ITGAM: variants seen among roughly 807,000 people sequenced by gnomAD.
The protein encoded by ITGAM is integrin alpha-M.
A neutral mutation model predicts 137.5 loss-of-function variants in ITGAM; 79 were observed. The observed-to-expected ratio is 0.57, with a 90% CI of 0.48 to 0.69. ITGAM has a LOEUF of 0.69. Ranked by LOEUF, ITGAM falls within the 30% of genes least tolerant of loss-of-function variation. ITGAM has a pLI of 0.00. For synonymous variants in ITGAM, 583 were observed against 592.3 expected, an observed-to-expected ratio of 0.98 and a Z score of 0.23; for missense variants, 1,343 against 1,483.5, an observed-to-expected ratio of 0.91 and a Z score of 1.56.
At chr16:31,269,430 T>G (rs545511167) in intron 5 of ITGAM, among the ~76,000 whole-genome samples, 19 of 151,672 alleles carry the variant, frequency 1.3e-4, no homozygotes, top group African/African-American at 4.6e-4. Context: ...GATCTTTGTT[T>G]AAACTATAAA....
chr16:31,328,515 ATGTG>A (rs749732793), intron 23 of ITGAM, among the ~76,000 whole-genome samples: 2 of 144,034 alleles, frequency 1.4e-5, no homozygotes, highest in African/African-American at 5.3e-5. Flanking sequence ...AGTGTGATCT[ATGTG>A]TGTGTGCGTG....
At chr16:31,266,218 G>A (rs974609161) in intron 5 of ITGAM, 71 bp downstream of exon 5, 15 of 1,057,740 alleles carry the variant, frequency 1.4e-5, no homozygotes, top group South Asian at 3.9e-5. Context: ...CTGAGGTGAC[G>A]TCTGCTCAAG....
chr16:31,331,783 T>C lies in ITGAM; in HGVS notation c.*76T>C, dbSNP rs2080587811. The stretch of plus-strand genomic sequence containing the variant: ...AGACCACACGTAGCCCCCAGGCTGC[T>C]GGACACGTCGGACAGCGAAGTATCC... On this transcript the variant is annotated 3_prime_UTR_variant, in exon 30 of 30. Transcript: ENST00000544665. 2 of 1,190,968 alleles carry C rather than the reference T, an allele frequency of 1.7e-6. No homozygotes were observed. Among genetic ancestry groups the C allele is most frequent in the Non-Finnish European group, 2.4e-6 (2 of 846,754 alleles). 73.8% of individuals were successfully genotyped at this position (1,190,968 alleles called of 1,614,324 possible). A position where few individuals can be genotyped will look rare whatever the true frequency, so the allele number is the denominator to read the frequency against.
intron 12 of ITGAM, among the ~76,000 whole-genome samples, chr16:31,278,899 T>C (rs2079938469): frequency 1.3e-5 from 2 of 152,154 alleles, no homozygotes; most frequent in South Asian, 4.1e-4. Context: ...CCCTCCACCC[T>C]ACGACGGGCC....
At chr16:31,314,821 GTTT>G (rs369241453) in intron 14 of ITGAM, among the ~76,000 whole-genome samples, 1 of 130,856 alleles carries the variant, frequency 7.6e-6, no homozygotes. Flanking sequence ...AGGAGGCAGG[GTTT>G]TTTTTTTTTT....
In ITGAM at chr16:31,324,931, C is replaced by A; in HGVS notation, c.2290-27C>A. On this transcript the variant is annotated intron_variant, in intron 18 of 29. Coordinates refer to ENST00000544665, the MANE Select transcript of ITGAM (RefSeq NM_000632.4). This position sits in a 1 kb window ranked among gnomAD's most constrained non-coding sequence, Gnocchi z 4.5. ...AATACTTGGTTATTTTCTTTCCTTT[C>A]ATTTGATCATATTTATTTTTTAAAA... 1 of 1,585,348 alleles carries A rather than the reference C, an allele frequency of 6.3e-7. No individual in the cohort carries two copies. The highest frequency in any genetic ancestry group is 8.6e-7 in the Non-Finnish European group (1 of 1,163,866).
intron 12 of ITGAM, among the ~76,000 whole-genome samples, chr16:31,293,903 C>G (rs1461917826): frequency 6.6e-6 from 1 of 152,062 alleles, no homozygotes; most frequent in Non-Finnish European, 1.5e-5. Context: ...GGTGTCATCT[C>G]TGATTTCTTT....
chr16:31,320,610 T>C (rs1415613882), intron 14 of ITGAM, among the ~76,000 whole-genome samples: 1 of 152,224 alleles, frequency 6.6e-6, no homozygotes, highest in Non-Finnish European at 1.5e-5. Context: ...CTCTATTTGT[T>C]CCAATTACAT....
At chr16:31,274,852 T>C (rs747583209) in intron 8 of ITGAM, among the ~76,000 whole-genome samples, 11 of 152,138 alleles carry the variant, frequency 7.2e-5, no homozygotes, top group Admixed American at 1.3e-4. Context: ...ACTCCTGATC[T>C]CAAGTGATCT....
chr16:31,280,365 A>T (rs2079955400), intron 12 of ITGAM, among the ~76,000 whole-genome samples: 1 of 152,230 alleles, frequency 6.6e-6, no homozygotes, highest in Non-Finnish European at 1.5e-5. Flanking sequence ...CTTCCTATCC[A>T]TGAGCATGGA....
chr16:31,289,147 A>G (rs1035074289), intron 12 of ITGAM, among the ~76,000 whole-genome samples: 2 of 152,170 alleles, frequency 1.3e-5, no homozygotes, highest in Non-Finnish European at 2.9e-5. Flanking sequence ...ACACTTTTAC[A>G]CTGTTGGTGG....
At chr16:31,289,887 G>A (rs536719590) in intron 12 of ITGAM, among the ~76,000 whole-genome samples, 25 of 152,142 alleles carry the variant, frequency 1.6e-4, no homozygotes, top group African/African-American at 6.0e-4. Context: ...TTTGAGATCA[G>A]CCTGACCAAC....
At chr16:31,327,612 AT>A (rs2080521254) in intron 22 of ITGAM, among the ~76,000 whole-genome samples, 2 of 151,018 alleles carry the variant, frequency 1.3e-5, no homozygotes, top group African/African-American at 4.9e-5. Flanking sequence ...AATAATAATA[AT>A]AATAATAAAA....
At chr16:31,286,310 C>T (rs764367703) in intron 12 of ITGAM, among the ~76,000 whole-genome samples, 1 of 151,980 alleles carries the variant, frequency 6.6e-6, no homozygotes, top group African/African-American at 2.4e-5. Context: ...GATGAACATA[C>T]GAGCATGTAT....
At position 31,319,875 on chromosome 16, in the gene ITGAM, C is replaced by T. The variant is rs969408569; in HGVS notation, c.1708-1366C>T. Reference sequence around the variant, plus strand: ...TCACCCAGGCTGGAGTGCAGTGGTGCGATCTCGGCTCACTGCAAGCTCCGC... The same window carrying T: ...TCACCCAGGCTGGAGTGCAGTGGTGTGATCTCGGCTCACTGCAAGCTCCGC... On this transcript the variant is annotated intron_variant, in intron 14 of 29. Coordinates refer to ENST00000544665, the MANE Select transcript of ITGAM (RefSeq NM_000632.4). Among the ~76,000 whole-genome samples, 82 of 151,438 alleles carry T rather than the reference C, an allele frequency of 5.4e-4. 1 individual carries two copies. The highest frequency in any genetic ancestry group is 1.8e-3 in the African/African-American group (76 of 41,154).
chr16:31,331,133 G>A (rs2080576521), intron 28 of ITGAM, 32 bp from the exon 29 acceptor site: 1 of 1,169,042 alleles, frequency 8.6e-7, no homozygotes, highest in South Asian at 1.3e-5. Flanking sequence ...ATCCAGAGTC[G>A]TCTCCCCTGA....
In ITGAM at chr16:31,324,442, C is replaced by T. The variant is rs376008674; in HGVS notation, c.2046C>T (p.Ser682=). ...SVVTYDLALD[S]GRPHSRAVFN... The stretch of plus-strand genomic sequence containing the variant: ...TGACTTATGACCTGGCTCTGGACTC[C>T]GGCCGCCCACATTCCCGCGCCGTCT... Residue 682 remains serine, a synonymous_variant, in exon 17 of 30, where the codon TCC becomes TCT. Transcript: ENST00000544665. The surrounding 1 kb of genome is among the most constrained non-coding windows in gnomAD (Gnocchi z 4.5). 2.1e-5 allele frequency: 33 copies of T among 1,555,244 alleles called. No individual in the cohort carries two copies. Among genetic ancestry groups the T allele is most frequent in the South Asian group, 3.6e-5 (3 of 84,262 alleles).
At chr16:31,284,394 C>G (rs147106359) in intron 12 of ITGAM, among the ~76,000 whole-genome samples, 4 of 152,126 alleles carry the variant, frequency 2.6e-5, no homozygotes, top group Non-Finnish European at 5.9e-5. Flanking sequence ...ACTTCCTGGC[C>G]GCTTTGTTTA....
intron 14 of ITGAM, among the ~76,000 whole-genome samples, chr16:31,299,832 T>C (rs1199989706): frequency 2.9e-5 from 3 of 102,346 alleles, no homozygotes; most frequent in African/African-American, 8.0e-5. Flanking sequence ...CTCCCCCTCC[T>C]CGTCGTCCTC....
Sources: allele counts gnomAD v4.1 joint callset (sites outside exome capture counted in the v4.1 genomes callset), GRCh38; gene constraint gnomAD v4.1.1; non-coding constraint Gnocchi (gnomAD v3.1); transcripts MANE v1.5; gene names NCBI Gene and HGNC (gene_info 2026-07-23, HGNC 2026-07-21).